The following SLC26A9 variants were observed in gnomAD, a reference collection of about 807,000 sequenced individuals.
SLC26A9 encodes solute carrier family 26 member 9.
Under a neutral mutation model 87.1 loss-of-function variants are expected in SLC26A9, and 46 were observed. That is an observed-to-expected ratio of 0.53 (90% confidence interval 0.42 to 0.67). SLC26A9 has a LOEUF of 0.67. Ranked by LOEUF, SLC26A9 falls within the 30% of genes least tolerant of loss-of-function variation. The pLI, the probability that SLC26A9 is intolerant of heterozygous loss-of-function variation, is 0.00. For missense variants in SLC26A9, 927 were observed against 1,018.3 expected, an observed-to-expected ratio of 0.91 and a Z score of 1.22; for synonymous variants, 437 against 409.1, an observed-to-expected ratio of 1.07 and a Z score of -0.82.
intron 19 of SLC26A9, 101 bp from the exon 20 acceptor site, chr1:205,917,455 C>T (rs925550908): frequency 2.9e-5 from 33 of 1,135,086 alleles, no homozygotes; most frequent in East Asian, 7.1e-5. Flanking sequence ...TCTGGTTGGA[C>T]GCTGCTTCCT....
chr1:205,926,164 A>G (rs1488397358), intron 12 of SLC26A9, among the ~76,000 whole-genome samples: 1 of 152,170 alleles, frequency 6.6e-6, no homozygotes, highest in African/African-American at 2.4e-5. Flanking sequence ...TGTATGTCAT[A>G]AAGTAGTCAT....
At position 205,924,535 on chromosome 1, in the gene SLC26A9, C is replaced by A. The variant is rs187277143; in HGVS notation, c.1390-46G>T. Reference sequence around the variant, plus strand: ...AAAGCAGACCTGGGGAAAAAACAACCTCTTTCAGGAAGTCTTCCTGGATTA... The same window carrying A: ...AAAGCAGACCTGGGGAAAAAACAACATCTTTCAGGAAGTCTTCCTGGATTA... On this transcript the variant is annotated intron_variant, in intron 12 of 20. Transcript: ENST00000367135. 6 of 1,576,358 alleles carry A rather than the reference C, an allele frequency of 3.8e-6. No individual in the cohort carries two copies. In the Admixed American group the frequency reaches 1.0e-4, roughly 27 times the overall value.
chr1:205,913,501 G>A lies in SLC26A9; in HGVS notation c.*1856C>T, dbSNP rs1173004003. 5.2e-5 allele frequency: 8 copies of A among 152,540 alleles called. No homozygotes were observed. The highest frequency in any genetic ancestry group is 8.8e-5 in the Non-Finnish European group (6 of 68,040). The allele number at this position is 152,540 out of a possible 1,614,324, so 9.4% of individuals were successfully genotyped here. ...AAGGATCACTTCATCAAGTCCTCAG[G>A]GGATCTAGATACTTGGTTCAAAGGG... On this transcript the variant is annotated 3_prime_UTR_variant, in exon 21 of 21. Coordinates refer to ENST00000367135, the MANE Select transcript of SLC26A9 (RefSeq NM_052934.4).
intron 6 of SLC26A9, among the ~76,000 whole-genome samples, 176 bp downstream of exon 6, chr1:205,929,716 C>A (rs1214167209): frequency 3.3e-5 from 5 of 152,162 alleles, no homozygotes; most frequent in Non-Finnish European, 7.4e-5. Context: ...CTACCAAGAA[C>A]CTCTGTGAGT....
Position 205,926,066 on chromosome 1 carries a change from T to C in SLC26A9, c.1389+469A>G, listed in dbSNP as rs149752145. On this transcript the variant is annotated intron_variant, in intron 12 of 20. Transcript: ENST00000367135. Reference sequence around the variant, plus strand: ...GAGGAAATAGAACCCCAGGGAAGTCTAGTAACTTGCTCAAGATTTTGGTCC... The same window carrying C: ...GAGGAAATAGAACCCCAGGGAAGTCCAGTAACTTGCTCAAGATTTTGGTCC... Among the ~76,000 whole-genome samples the C allele has an allele frequency of 1.6e-3, 245 of 152,324 alleles. 1 individual carries two copies. The highest frequency in any genetic ancestry group is 5.7e-3 in the African/African-American group (238 of 41,556).
rs140854293 is a variant in SLC26A9 at position 205,939,717 on chromosome 1, C to T, written c.-19+3648G>A. 4.5e-3 allele frequency among the ~76,000 whole-genome samples: 683 copies of T among 152,060 alleles called. 5 individuals are homozygous for T. The highest frequency in any genetic ancestry group is 0.014 in the African/African-American group (599 of 41,454). On this transcript the variant is annotated intron_variant, in intron 1 of 20. Transcript: ENST00000367135. ...AGGGATGGGAGTCCCAGGGAATCCT[C>T]AGAGAGGGTGTCTCACGATGCCAGA... is the stretch of plus-strand genomic sequence containing the variant.
In SLC26A9 at chr1:205,914,717, C is replaced by G; in HGVS notation, c.*640G>C. ...ACTGTCCAGGCTAGAGTCTGATGTGCTTGCTGACAGCAGTGGTGGTTTGGG... is the reference window on the plus strand; with the variant it reads ...ACTGTCCAGGCTAGAGTCTGATGTGGTTGCTGACAGCAGTGGTGGTTTGGG... On this transcript the variant is annotated 3_prime_UTR_variant, in exon 21 of 21. Coordinates refer to ENST00000367135, the MANE Select transcript of SLC26A9 (RefSeq NM_052934.4). The G allele has an allele frequency of 1.3e-6, 1 of 746,926 alleles. No homozygotes were observed. Among genetic ancestry groups the G allele is most frequent in the South Asian group, 1.9e-5 (1 of 53,366 alleles). 46.3% of individuals were successfully genotyped at this position (746,926 alleles called of 1,614,324 possible).
rs573369691 is a variant in SLC26A9, at chr1:205,929,497, C to T, written c.718-141G>A. ...ACAGAATTAAAACCCTGATCAGGAA[C>T]CCTGTCCCGTCGCCCACCGCCCTTT... On this transcript the variant is annotated intron_variant, in intron 6 of 20. Coordinates refer to ENST00000367135, the MANE Select transcript of SLC26A9 (RefSeq NM_052934.4). 5 of 1,331,730 alleles carry T rather than the reference C, an allele frequency of 3.8e-6. No individual in the cohort carries two copies. The Admixed American group carries it at 8.6e-5, about 23-fold the overall frequency. The allele number at this position is 1,331,730 out of a possible 1,614,324, so 82.5% of individuals were successfully genotyped here.
chr1:205,927,422 A>G lies in SLC26A9; in HGVS notation c.1215+70T>C, dbSNP rs189411433. On this transcript the variant is annotated intron_variant, in intron 10 of 20. Transcript: ENST00000367135. The stretch of plus-strand genomic sequence containing the variant: ...TCGGAGAAGAGCTGGCCTGGCTTGC[A>G]GTGCCCAGGCTTTTTTGGGGCAACT... 7.1e-6 allele frequency: 11 copies of G among 1,553,722 alleles called. No individual in the cohort carries two copies. In the Admixed American group the frequency reaches 1.7e-4, roughly 24 times the overall value.
chr1:205,918,562 T>C (rs185850463), intron 19 of SLC26A9, among the ~76,000 whole-genome samples: 4 of 152,308 alleles, frequency 2.6e-5, no homozygotes, highest in African/African-American at 9.6e-5. Flanking sequence ...AAAACTTATA[T>C]TGATAAAGAA....
At chr1:205,916,222 G>A (rs1246501033) in intron 20 of SLC26A9, among the ~76,000 whole-genome samples, 3 of 152,108 alleles carry the variant, frequency 2.0e-5, no homozygotes, top group South Asian at 2.1e-4. Flanking sequence ...TCAGACTTCC[G>A]AGTAGCTGGG....
intron 1 of SLC26A9, among the ~76,000 whole-genome samples, chr1:205,938,547 T>C (rs1197903202): frequency 6.6e-6 from 1 of 152,174 alleles, no homozygotes; most frequent in Non-Finnish European, 1.5e-5. Flanking sequence ...AGGAAATCTG[T>C]TGGCTGGGTC....
Position 205,921,980 on chromosome 1 carries a change from T to C in SLC26A9, c.1774-133A>G, listed in dbSNP as rs1658855721. ...CCTCGGTGATGGTGAACACAGACCC[T>C]GAAAGCTCCACCAGAGAGGCCTCTC... On this transcript the variant is annotated intron_variant, in intron 16 of 20. Coordinates refer to ENST00000367135, the MANE Select transcript of SLC26A9 (RefSeq NM_052934.4). 2 of 1,210,090 alleles carry C rather than the reference T, an allele frequency of 1.7e-6. 1 individual carries two copies. The highest frequency in any genetic ancestry group is 5.8e-4 in the Middle Eastern group (2 of 3,454). The allele number at this position is 1,210,090 out of a possible 1,614,324, so 75.0% of individuals were successfully genotyped here. A position where few individuals can be genotyped will look rare whatever the true frequency, so the allele number is the denominator to read the frequency against.
rs1658708855 is a variant in SLC26A9, at chr1:205,918,932, C to A, written c.2164G>T (p.Glu722Ter). 1 of 1,614,092 alleles carries A rather than the reference C, an allele frequency of 6.2e-7. No homozygotes were observed. The highest frequency in any genetic ancestry group is 1.3e-5 in the African/African-American group (1 of 74,928). Residue 722 changes from glutamate to a stop codon, truncating the protein, a stop_gained, in exon 19 of 21, where the codon GAA (glutamate) becomes TAA (stop). Coordinates refer to ENST00000367135, the MANE Select transcript of SLC26A9 (RefSeq NM_052934.4). LOFTEE classifies it high-confidence loss of function. ...ATGCTGGGAAAGACGTGCTTGCATT[C>A]TAGACTCCCATCCTCAAAGACGCCT... ...HGGVFEDGSL[E>*]CKHVFPSIHD...
chr1:205,931,465 G>GTTTTTTTTTTTTTTTTTTTTT lies in SLC26A9; in HGVS notation c.552+394_552+395insAAAAAAAAAAAAAAAAAAAAA, dbSNP rs34820138. Among the ~76,000 whole-genome samples the GTTTTTTTTTTTTTTTTTTTTT allele has an allele frequency of 2.8e-4, 27 of 95,980 alleles. 5 individuals are homozygous for GTTTTTTTTTTTTTTTTTTTTT. Among genetic ancestry groups the GTTTTTTTTTTTTTTTTTTTTT allele is most frequent in the Middle Eastern group, 6.4e-3 (1 of 156 alleles). The allele number at this position is 95,980 out of a possible 152,430, so 63.0% of individuals were successfully genotyped here. On this transcript the variant is annotated intron_variant, in intron 5 of 20. Transcript: ENST00000367135. ...GAGGGAGGAGGTGAGCCCTAACTTG[G>GTTTTTTTTTTTTTTTTTTTTT]TTTTTTTTTTTTTTTTTTTGAGACG...
chr1:205,923,993 G>C (rs932608303), intron 13 of SLC26A9, among the ~76,000 whole-genome samples: 1 of 152,194 alleles, frequency 6.6e-6, no homozygotes, highest in Admixed American at 6.5e-5. Context: ...AATACTCCCA[G>C]TGTGTAGAAC....
In SLC26A9 at chr1:205,915,163, C is replaced by T. The variant is rs766846418; in HGVS notation, c.*194G>A. The T allele has an allele frequency of 6.2e-6, 10 of 1,612,682 alleles. No individual in the cohort carries two copies. The highest frequency in any genetic ancestry group is 7.6e-6 in the Non-Finnish European group (9 of 1,179,020). ...CTCACTCCTGTAAGGGTAGCACCCC[C>T]CTGCTGCTGAGAGGCTCTCTCTGGA... On this transcript the variant is annotated 3_prime_UTR_variant, in exon 21 of 21. Coordinates refer to ENST00000367135, the MANE Select transcript of SLC26A9 (RefSeq NM_052934.4).
At chr1:205,941,853 G>C (rs1659758823) in intron 1 of SLC26A9, among the ~76,000 whole-genome samples, 1 of 152,238 alleles carries the variant, frequency 6.6e-6, no homozygotes, top group African/African-American at 2.4e-5. Flanking sequence ...TCTTTAAGGA[G>C]ACTGGGGTTG....
At chr1:205,933,210 C>A in intron 2 of SLC26A9, 126 bp from the exon 3 acceptor site, 1 of 1,381,034 alleles carries the variant, frequency 7.2e-7, no homozygotes. Context: ...AACTGTGTGC[C>A]AGGGATATTG....
Sources: gnomAD v4.1 joint callset for allele counts (sites outside exome capture counted in the v4.1 genomes callset) on GRCh38, gnomAD v4.1.1 for gene constraint, MANE v1.5 for transcripts, NCBI Gene and HGNC (gene_info 2026-07-23, HGNC 2026-07-21) for gene names.